The following APP variants were observed in gnomAD, a reference collection of about 807,000 sequenced individuals.
APP encodes the protein amyloid beta precursor protein.
In APP, 31 loss-of-function variants were observed where a neutral mutation model predicts 101.4. The observed-to-expected ratio is 0.31, with a 90% CI of 0.23 to 0.41. The LOEUF is 0.41. Among genes scored for constraint, APP ranks in the 10% least tolerant of loss-of-function variants. The pLI is 1.00. For synonymous variants in APP, 366 were observed against 364.4 expected (o/e 1.00, Z -0.05); for missense variants, 839 against 1,003.7 (o/e 0.84, Z 2.22).
At chr21:26,160,767 A>G (rs1049502890) in intron 1 of APP, among the ~76,000 whole-genome samples, 2 of 152,158 alleles carry the variant, frequency 1.3e-5, no homozygotes, top group Non-Finnish European at 2.9e-5. Flanking sequence ...TCTTCACACA[A>G]AATTATGTCT....
chr21:25,930,483 G>A (rs2040094851), intron 13 of APP, among the ~76,000 whole-genome samples: 1 of 152,104 alleles, frequency 6.6e-6, no homozygotes, highest in Non-Finnish European at 1.5e-5. Flanking sequence ...ATGGTAGAAA[G>A]GATGATTTTC....
At chr21:25,976,970 C>T (rs2042247360) in intron 9 of APP, among the ~76,000 whole-genome samples, 2 of 152,220 alleles carry the variant, frequency 1.3e-5, no homozygotes, top group Non-Finnish European at 2.9e-5. Context: ...AAGTCCTCAA[C>T]AGATGCCAGC....
In APP at chr21:25,903,404, T is replaced by A. The variant is rs532579058; in HGVS notation, c.1963+1620A>T. On this transcript the variant is annotated intron_variant, in intron 15 of 17. Coordinates refer to ENST00000346798, the MANE Select transcript of APP (RefSeq NM_000484.4). ...AAAAAAAATCAAAAAACAATTTTTT[T>A]AAAAAAGAAAAAAACATTGACTGGT... is the stretch of plus-strand genomic sequence containing the variant. Among the ~76,000 whole-genome samples the A allele has an allele frequency of 7.9e-5, 12 of 151,746 alleles. No individual in the cohort carries two copies. In the East Asian group the frequency reaches 1.7e-3, roughly 22 times the overall value.
chr21:25,989,059 G>A (rs1373483338), intron 8 of APP, among the ~76,000 whole-genome samples: 2 of 152,126 alleles, frequency 1.3e-5, no homozygotes, highest in African/African-American at 2.4e-5. Context: ...TGCACCCAAC[G>A]TTCCTATCAC....
At chr21:25,905,644 C>G (rs1197897973) in intron 14 of APP, among the ~76,000 whole-genome samples, 1 of 152,192 alleles carries the variant, frequency 6.6e-6, no homozygotes, top group Non-Finnish European at 1.5e-5. Context: ...AAACCGCAGT[C>G]TTTTTCTCAC....
chr21:26,032,982 A>C (rs925732840), intron 5 of APP, among the ~76,000 whole-genome samples: 1 of 152,074 alleles, frequency 6.6e-6, no homozygotes, highest in Admixed American at 6.5e-5. Context: ...TCATTGGTGG[A>C]GTTTGGGAGG....
chr21:26,144,415 T>G (rs938322303), intron 1 of APP, among the ~76,000 whole-genome samples: 1 of 152,244 alleles, frequency 6.6e-6, no homozygotes, highest in Admixed American at 6.5e-5. Context: ...AATACATTAT[T>G]CCTGATACAA....
intron 16 of APP, 27 bp downstream of exon 16, chr21:25,897,546 T>G: frequency 6.5e-7 from 1 of 1,535,972 alleles, no homozygotes. Flanking sequence ...CAAACAGTAG[T>G]GGAAAGAGGT....
chr21:26,024,406 T>C (rs1486366999), intron 5 of APP, among the ~76,000 whole-genome samples: 1 of 152,042 alleles, frequency 6.6e-6, no homozygotes, highest in Non-Finnish European at 1.5e-5. Flanking sequence ...GGAAAAGTGA[T>C]AGGAACCCGG....
intron 13 of APP, chr21:25,942,114 C>G (rs1266245175): frequency 6.6e-6 from 1 of 152,172 alleles, no homozygotes; most frequent in Non-Finnish European, 1.5e-5. Context: ...TATCTTAACA[C>G]TGACTTACAT....
rs74534911 is a variant in APP, at chr21:26,040,761, AAAACAAAC to A, written c.662+10231_662+10238del. On this transcript the variant is annotated intron_variant, in intron 5 of 17. Transcript: ENST00000346798. ...GGGTGACAGAGCGAGACTCTATCTCAAAACAAACAAACAAACAAACAAACAAACAGTAC... is the reference window on the plus strand; with the variant it reads ...GGGTGACAGAGCGAGACTCTATCTCAAAACAAACAAACAAACAAACAGTAC... Among the ~76,000 whole-genome samples the A allele has an allele frequency of 1.7e-3, 257 of 150,032 alleles. 2 individuals are homozygous for A. The highest frequency in any genetic ancestry group is 5.7e-3 in the African/African-American group (233 of 41,000).
chr21:26,013,906 C>T (rs1217324626), intron 6 of APP, among the ~76,000 whole-genome samples: 2 of 152,146 alleles, frequency 1.3e-5, no homozygotes, highest in Non-Finnish European at 2.9e-5. Context: ...TCAAACACCT[C>T]GGAATCAATG....
intron 1 of APP, among the ~76,000 whole-genome samples, chr21:26,127,756 G>A (rs1287197782): frequency 6.6e-6 from 1 of 152,186 alleles, no homozygotes; most frequent in Non-Finnish European, 1.5e-5. Flanking sequence ...AATGGACATA[G>A]TAACATCCCA....
chr21:26,155,788 G>T (rs563861390), intron 1 of APP, among the ~76,000 whole-genome samples: 5 of 152,256 alleles, frequency 3.3e-5, no homozygotes, highest in Non-Finnish European at 5.9e-5. Flanking sequence ...GAGGTCAGGA[G>T]ATCAAGACCA....
intron 14 of APP, among the ~76,000 whole-genome samples, chr21:25,910,662 C>T (rs2039025731): frequency 6.6e-6 from 1 of 152,320 alleles, no homozygotes; most frequent in Non-Finnish European, 1.5e-5. Context: ...AGGATGCCAT[C>T]TACTGCTCAA....
At chr21:26,046,889 G>T (rs2045634033) in intron 5 of APP, among the ~76,000 whole-genome samples, 1 of 151,996 alleles carries the variant, frequency 6.6e-6, no homozygotes, top group South Asian at 2.1e-4. Flanking sequence ...TTTTCCCATG[G>T]AAAAAAATCT....
At chr21:25,935,420 C>A (rs531164592) in intron 13 of APP, 64 of 152,190 alleles carry the variant, frequency 4.2e-4, no homozygotes, top group Admixed American at 2.2e-3. Flanking sequence ...TTAACTGTGA[C>A]CTTTTGGCTC....
intron 1 of APP, among the ~76,000 whole-genome samples, chr21:26,164,964 G>T (rs2063575822): frequency 6.7e-6 from 1 of 150,278 alleles, no homozygotes; most frequent in African/African-American, 2.4e-5. Flanking sequence ...GCACATTTCT[G>T]TACTGTTTTA....
chr21:26,075,885 T>G (rs1197581469), intron 3 of APP, among the ~76,000 whole-genome samples: 11 of 152,106 alleles, frequency 7.2e-5, no homozygotes, highest in Admixed American at 7.2e-4. Context: ...TGAATATATT[T>G]ATTTATTTAT....
Sources: allele counts gnomAD v4.1 joint callset (sites outside exome capture counted in the v4.1 genomes callset), GRCh38; gene constraint gnomAD v4.1.1; transcripts MANE v1.5; gene names NCBI Gene and HGNC (gene_info 2026-07-23, HGNC 2026-07-21).